Variants in PLXNA4 observed in about 807,000 individuals in gnomAD.
The protein encoded by PLXNA4 is plexin A4, also known as plexin-A4.
A neutral mutation model predicts 191.8 loss-of-function variants in PLXNA4; 44 were observed. The ratio of observed to expected loss-of-function variants is 0.23; its 90% CI spans 0.18 to 0.29. PLXNA4 has a LOEUF of 0.29. PLXNA4 is among the 10% of genes least tolerant of loss of function. The pLI, the probability that PLXNA4 is intolerant of heterozygous loss-of-function variation, is 1.00. For missense variants in PLXNA4, 1,800 were observed against 2,488.8 expected (o/e 0.72, Z 5.89); for synonymous variants, 1,082 against 1,009.5 (o/e 1.07, Z -1.36).
chr7:132,631,461 G>C (rs1803488419), intron 2 of PLXNA4, among the ~76,000 whole-genome samples: 1 of 152,136 alleles, frequency 6.6e-6, no homozygotes. Context: ...GGTATTATTT[G>C]GATGGGGAGT....
chr7:132,365,173 T>C (rs1804103177), intron 3 of PLXNA4, among the ~76,000 whole-genome samples: 2 of 152,148 alleles, frequency 1.3e-5, no homozygotes, highest in African/African-American at 4.8e-5. Flanking sequence ...TTGAAGTCTA[T>C]GTCTGGTTCA....
chr7:132,224,804 C>T (rs1798260524), intron 8 of PLXNA4, among the ~76,000 whole-genome samples: 2 of 152,208 alleles, frequency 1.3e-5, no homozygotes, highest in East Asian at 3.9e-4. Flanking sequence ...TACTTGGGGC[C>T]CCAAAGAGAG....
intron 3 of PLXNA4, among the ~76,000 whole-genome samples, chr7:132,412,757 G>A (rs915985160): frequency 6.6e-6 from 1 of 152,150 alleles, no homozygotes; most frequent in Non-Finnish European, 1.5e-5. Flanking sequence ...AAGCAGCCAA[G>A]ACACAATTCT....
At chr7:132,338,733 T>C (rs761258335) in intron 3 of PLXNA4, among the ~76,000 whole-genome samples, 7 of 152,170 alleles carry the variant, frequency 4.6e-5, no homozygotes, top group Non-Finnish European at 7.4e-5. Context: ...GATGGTGGTC[T>C]GTGGGGATGC....
chr7:132,555,632 G>A (rs1004465663), intron 1 of PLXNA4, among the ~76,000 whole-genome samples: 1 of 152,154 alleles, frequency 6.6e-6, no homozygotes, highest in Admixed American at 6.5e-5. Flanking sequence ...TTAATGATAA[G>A]GACACTGAAC....
chr7:132,353,441 A>G (rs1305553515), intron 3 of PLXNA4, among the ~76,000 whole-genome samples: 1 of 137,870 alleles, frequency 7.3e-6, no homozygotes, highest in African/African-American at 3.0e-5. Context: ...ACTCGGTTCT[A>G]TGCAACATAT....
intron 3 of PLXNA4, among the ~76,000 whole-genome samples, chr7:132,471,350 G>A (rs574070647): frequency 1.4e-4 from 22 of 152,120 alleles, no homozygotes; most frequent in Non-Finnish European, 2.4e-4. Flanking sequence ...CAAATAGACC[G>A]TTGTGTGTGT....
intron 2 of PLXNA4, among the ~76,000 whole-genome samples, chr7:132,493,920 C>T (rs999211675): frequency 6.6e-6 from 1 of 152,214 alleles, no homozygotes. Context: ...TTGAGAAAGT[C>T]ACTTAACCTC....
Position 132,164,570 on chromosome 7 carries a change from C to T in PLXNA4, c.4354-282G>A, listed in dbSNP as rs897889948. On this transcript the variant is annotated intron_variant, in intron 23 of 31. Transcript: ENST00000321063. ...CTCTTTCTTCCTCCCCCGCTCCCCTCCCCTCCTGCCCTCCTCTCTGCTCTC... is the reference window on the plus strand; with the variant it reads ...CTCTTTCTTCCTCCCCCGCTCCCCTTCCCTCCTGCCCTCCTCTCTGCTCTC... Among the ~76,000 whole-genome samples the T allele has an allele frequency of 1.9e-4, 29 of 152,242 alleles. 1 individual carries two copies. Among genetic ancestry groups the T allele is most frequent in the Middle Eastern group, 3.4e-3 (1 of 294 alleles).
At chr7:132,299,312 T>C (rs888351074) in intron 3 of PLXNA4, among the ~76,000 whole-genome samples, 1 of 152,166 alleles carries the variant, frequency 6.6e-6, no homozygotes, top group Admixed American at 6.5e-5. Context: ...TTAGGCACTC[T>C]TATTTTTAAT....
At chr7:132,283,026 C>T (rs1291910247) in intron 4 of PLXNA4, among the ~76,000 whole-genome samples, 1 of 152,004 alleles carries the variant, frequency 6.6e-6, no homozygotes, top group Non-Finnish European at 1.5e-5. Flanking sequence ...CCTACAGGCG[C>T]TCACCACCAT....
chr7:132,480,686 G>A (rs924578277), intron 3 of PLXNA4, among the ~76,000 whole-genome samples: 2 of 152,200 alleles, frequency 1.3e-5, no homozygotes, highest in African/African-American at 2.4e-5. Context: ...CAGGCAGCAG[G>A]CCAGGGGTAA....
At chr7:132,463,638 G>T (rs947331053) in intron 3 of PLXNA4, among the ~76,000 whole-genome samples, 1 of 152,182 alleles carries the variant, frequency 6.6e-6, no homozygotes, top group Non-Finnish European at 1.5e-5. Context: ...GGCAGAACTT[G>T]TGTGGACTTC....
At chr7:132,148,423 T>C in intron 26 of PLXNA4, 120 bp downstream of exon 26, 1 of 1,415,196 alleles carries the variant, frequency 7.1e-7, no homozygotes, top group Non-Finnish European at 9.5e-7. Context: ...TCTGGATCAC[T>C]AAGGGAACAT....
intron 1 of PLXNA4, among the ~76,000 whole-genome samples, chr7:132,523,826 T>G (rs1799289016): frequency 6.6e-6 from 1 of 151,948 alleles, no homozygotes; most frequent in Non-Finnish European, 1.5e-5. Flanking sequence ...ATTTTTGGAT[T>G]GAGGATCTGG....
chr7:132,258,944 T>C (rs921899955), intron 4 of PLXNA4, among the ~76,000 whole-genome samples: 1 of 152,182 alleles, frequency 6.6e-6, no homozygotes, highest in African/African-American at 2.4e-5. Context: ...TAATCAGACA[T>C]GACTTATGAA....
chr7:132,252,037 A>G (rs1184020641), intron 4 of PLXNA4, among the ~76,000 whole-genome samples: 1 of 152,182 alleles, frequency 6.6e-6, no homozygotes. Flanking sequence ...CAGATGACCC[A>G]AGGAATTCTA....
chr7:132,525,954 T>C (rs564594918), intron 1 of PLXNA4, among the ~76,000 whole-genome samples: 35 of 152,298 alleles, frequency 2.3e-4, no homozygotes, highest in African/African-American at 8.4e-4. Flanking sequence ...AGGAAGTTTT[T>C]CTTGCTTAAA....
intron 2 of PLXNA4, among the ~76,000 whole-genome samples, chr7:132,627,669 G>C (rs549084293): frequency 3.1e-4 from 47 of 152,222 alleles, no homozygotes; most frequent in African/African-American, 1.1e-3. Flanking sequence ...AACTCACTAG[G>C]CCCTTTTGCC....
Sources: gnomAD v4.1 joint callset for allele counts (sites outside exome capture counted in the v4.1 genomes callset) on GRCh38, gnomAD v4.1.1 for gene constraint, MANE v1.5 for transcripts, NCBI Gene and HGNC (gene_info 2026-07-23, HGNC 2026-07-21) for gene names.